The following CCDC180 variants were observed in gnomAD, a reference collection of about 807,000 sequenced individuals.
CCDC180 encodes coiled-coil domain containing 180, also known as coiled-coil domain-containing protein 180.
Under a neutral mutation model 209.2 loss-of-function variants are expected in CCDC180, and 154 were observed. The ratio of observed to expected loss-of-function variants is 0.74; its 90% CI spans 0.65 to 0.84. The LOEUF is 0.84. CCDC180 is among the 40% of genes least tolerant of loss of function. CCDC180 has a pLI of 0.00. For synonymous variants in CCDC180, 778 were observed against 749.1 expected (o/e 1.04, Z -0.63); for missense variants, 1,874 against 1,997.3 (o/e 0.94, Z 1.18).
At chr9:97,323,734 G>T in intron 12 of CCDC180, 47 bp from the exon 13 acceptor site, 1 of 1,528,152 alleles carries the variant, frequency 6.5e-7, no homozygotes, top group Non-Finnish European at 8.8e-7. Flanking sequence ...GATGCCTGTG[G>T]GGACCTCAGT....
rs765854548 is a variant in CCDC180, at chr9:97,376,873, T to A, written c.4953T>A (p.Thr1651=). 6.2e-7 allele frequency: 1 copy of A among 1,612,550 alleles called. No homozygotes were observed. The highest frequency in any genetic ancestry group is 2.2e-5 in the East Asian group (1 of 44,872). ...WKDSWKQSLH[T]IQGLYV Reference sequence around the variant, plus strand: ...ACAGCTGGAAGCAGTCCCTGCACACTATCCAAGGCCTGTATGTGTGACCCT... The same window carrying A: ...ACAGCTGGAAGCAGTCCCTGCACACAATCCAAGGCCTGTATGTGTGACCCT... Residue 1651 remains threonine (T), a synonymous_variant, in exon 37 of 37, where the codon ACT becomes ACA. Transcript: ENST00000529487.
chr9:97,375,249 C>A lies in CCDC180; in HGVS notation c.4707-205C>A, dbSNP rs113789146. Among the ~76,000 whole-genome samples, 232 of 152,254 alleles carry A rather than the reference C, an allele frequency of 1.5e-3. 3 individuals carry two copies. Among genetic ancestry groups the A allele is most frequent in the African/African-American group, 5.3e-3 (219 of 41,544 alleles). On this transcript the variant is annotated intron_variant, in intron 35 of 36. Transcript: ENST00000529487. The stretch of plus-strand genomic sequence containing the variant: ...TCCCCCCCCAGAACCCCAGACCGTG[C>A]ACAGCAATGAGACCAGTGGGGGCTA...
chr9:97,312,901 A>C (rs1241307268), intron 4 of CCDC180, among the ~76,000 whole-genome samples: 10 of 152,186 alleles, frequency 6.6e-5, no homozygotes, highest in Non-Finnish European at 1.5e-4. Context: ...CAGCATGAAG[A>C]CTAGCTGAGT....
At chr9:97,345,524 A>G (rs766717556) in intron 19 of CCDC180, 15 of 401,738 alleles carry the variant, frequency 3.7e-5, no homozygotes, top group Non-Finnish European at 7.2e-5. Context: ...AATGCCTAGC[A>G]AAATCTTTTG....
At chr9:97,313,212 A>C in intron 4 of CCDC180, 24 bp from the exon 5 acceptor site, 1 of 1,533,492 alleles carries the variant, frequency 6.5e-7, no homozygotes, top group African/African-American at 1.4e-5. Context: ...AGGCAGCCTC[A>C]TCACCTCTGT....
rs771905183 is a variant in CCDC180 at position 97,354,871 on chromosome 9, AC to A, written c.3148-18del. 119 of 1,589,312 alleles carry A rather than the reference AC, an allele frequency of 7.5e-5. 1 individual carries two copies. The South Asian group carries it at 1.3e-3, about 17-fold the overall frequency. On this transcript the variant is annotated intron_variant, in intron 23 of 36. Transcript: ENST00000529487. The stretch of plus-strand genomic sequence containing the variant: ...GGTCCAAATTAAGCCCCTGTCCTTT[AC>A]CCTTTATCTCTCTGTACAGGCCAAT...
rs1441868696 is a variant in CCDC180 at position 97,320,139 on chromosome 9, C to G, written c.1093C>G (p.Pro365Ala). 1.2e-6 allele frequency: 2 copies of G among 1,614,002 alleles called. No individual in the cohort carries two copies. The highest frequency in any genetic ancestry group is 2.2e-5 in the East Asian group (1 of 44,896). The change falls in exon 11 of 37, where the codon CCC (proline) becomes GCC (alanine). Residue 365 changes from proline (P) to alanine (A), a missense_variant. Pro to Ala is a conservative substitution (Grantham distance 27). Coordinates refer to ENST00000529487, the MANE Select transcript of CCDC180 (RefSeq NM_020893.6). ...CTTCCTTCCCAGTGACCTCCTGCCCCCCAGTTACAGCAAAACTCAGCTGAC... is the reference window on the plus strand; with the variant it reads ...CTTCCTTCCCAGTGACCTCCTGCCCGCCAGTTACAGCAAAACTCAGCTGAC... ...HLCTICDLLP[P>A]SYSKTQLTEW...
At chr9:97,322,683 G>T (rs879083444) in intron 11 of CCDC180, 150 bp from the exon 12 acceptor site, 30 of 647,412 alleles carry the variant, frequency 4.6e-5, no homozygotes, top group Admixed American at 4.9e-5. Flanking sequence ...TTTGTAAGGG[G>T]ACCCCAGCCC....
chr9:97,322,764 A>C, intron 11 of CCDC180, 69 bp from the exon 12 acceptor site: 1 of 1,401,046 alleles, frequency 7.1e-7, no homozygotes, highest in Non-Finnish European at 1.0e-6. Flanking sequence ...CTCCTTTGCA[A>C]AGGGGACACT....
intron 32 of CCDC180, among the ~76,000 whole-genome samples, 178 bp from the exon 33 acceptor site, chr9:97,370,463 G>T (rs1827049953): frequency 6.6e-6 from 1 of 151,800 alleles, no homozygotes; most frequent in Non-Finnish European, 1.5e-5. Flanking sequence ...AAACCCCCGA[G>T]TCAGCTCTAG....
At chr9:97,307,449 A>AG, upstream of CCDC180, 2 of 593,464 alleles carry the variant, frequency 3.4e-6, no homozygotes, top group Non-Finnish European at 6.3e-6. Flanking sequence ...GGGGACGGCC[A>AG]GGGGCTGCTC....
chr9:97,377,114 G>A lies in CCDC180; in HGVS notation c.*220G>A, dbSNP rs898870. The A allele has an allele frequency of 0.21, 80,351 of 384,150 alleles. 9,389 individuals are homozygous for A. Among genetic ancestry groups the A allele is most frequent in the East Asian group, 0.41 (8,501 of 20,740 alleles). The allele number at this position is 384,150 out of a possible 1,614,324, so 23.8% of individuals were successfully genotyped here. On this transcript the variant is annotated 3_prime_UTR_variant, in exon 37 of 37. Coordinates refer to ENST00000529487, the MANE Select transcript of CCDC180 (RefSeq NM_020893.6). ...GGCAAGCATGAAAGGGGAATTCCAC[G>A]TGGTTAGCAGGGAGGGTGAGTACCA...
chr9:97,376,245 C>T (rs1827256513), intron 36 of CCDC180: 2 of 157,276 alleles, frequency 1.3e-5, no homozygotes, highest in South Asian at 1.9e-4. Flanking sequence ...GACCTTTGGT[C>T]CTGATGTCCA....
At chr9:97,320,288 G>T in intron 11 of CCDC180, 83 bp downstream of exon 11, 2 of 1,272,106 alleles carry the variant, frequency 1.6e-6, no homozygotes, top group South Asian at 2.4e-5. Flanking sequence ...CCAAATGAGT[G>T]GCGCCGCCAT....
At chr9:97,323,952 TC>T in intron 13 of CCDC180, 49 bp downstream of exon 13, 1 of 1,542,276 alleles carries the variant, frequency 6.5e-7, no homozygotes, top group Non-Finnish European at 8.8e-7. Flanking sequence ...GGGTTGGGGG[TC>T]CCCGGGGTTG....
chr9:97,338,927 T>C (rs1194075804), intron 18 of CCDC180, among the ~76,000 whole-genome samples: 1 of 152,224 alleles, frequency 6.6e-6, no homozygotes, highest in Non-Finnish European at 1.5e-5. Context: ...CTTCTTTGTC[T>C]CTTTTGATCT....
Position 97,320,221 on chromosome 9 carries a change from A to C in CCDC180, c.1159+16A>C, listed in dbSNP as rs1423175302. 3.7e-6 allele frequency: 6 copies of C among 1,606,678 alleles called. No homozygotes were observed. The highest frequency in any genetic ancestry group is 5.1e-6 in the Non-Finnish European group (6 of 1,173,336). The stretch of plus-strand genomic sequence containing the variant: ...AAGGAGCTAGGTGAGTGACGTCTGC[A>C]GGACTCCACCTGCATTTCTCCAGAA... On this transcript the variant is annotated intron_variant, in intron 11 of 36. Transcript: ENST00000529487.
intron 32 of CCDC180, 151 bp downstream of exon 32, chr9:97,370,233 G>C (rs1214567063): frequency 1.2e-6 from 1 of 828,116 alleles, no homozygotes; most frequent in African/African-American, 1.7e-5. Flanking sequence ...AGGAGCCATT[G>C]GCGAAATAAG....
At chr9:97,371,569 C>T in intron 33 of CCDC180, 26 bp from the exon 34 acceptor site, 1 of 1,465,028 alleles carries the variant, frequency 6.8e-7, no homozygotes, top group Non-Finnish European at 9.5e-7. Context: ...CTCCTAGCAG[C>T]ACTGTGCTCA....
Sources: allele counts gnomAD v4.1 joint callset (sites outside exome capture counted in the v4.1 genomes callset), GRCh38; gene constraint gnomAD v4.1.1; transcripts MANE v1.5; gene names NCBI Gene and HGNC (gene_info 2026-07-23, HGNC 2026-07-21).